The following CHODL variants were observed in gnomAD, a reference collection of about 807,000 sequenced individuals.
CHODL encodes the protein transmembrane protein MT75.
A neutral mutation model predicts 34.5 loss-of-function variants in CHODL; 29 were observed. That is an observed-to-expected ratio of 0.84 (90% CI 0.63 to 1.15). The LOEUF is 1.15. Ranked by LOEUF, CHODL falls within the 50% of genes most tolerant of loss-of-function variation. The pLI, the probability that CHODL is intolerant of heterozygous loss-of-function variation, is 0.00. For synonymous variants in CHODL, 125 were observed against 116.1 expected, an observed-to-expected ratio of 1.08 and a Z score of -0.49; for missense variants, 332 against 332.5, an observed-to-expected ratio of 1.00 and a Z score of 0.01.
intron 2 of CHODL, among the ~76,000 whole-genome samples, chr21:18,107,081 A>G (rs970739253): frequency 2.6e-5 from 4 of 152,332 alleles, no homozygotes; most frequent in African/African-American, 9.6e-5. Flanking sequence ...ATCTAAGGGA[A>G]GTACGAATAG....
In CHODL at chr21:18,183,574, G is replaced by A. The variant is rs1275425300; in HGVS notation, c.-44-72935G>A. 2.0e-5 allele frequency among the ~76,000 whole-genome samples: 3 copies of A among 151,952 alleles called. No homozygotes were observed. In the East Asian group the frequency reaches 5.8e-4, roughly 29 times the overall value. ...TTTCCCTGGGATACCTTGAATTTCTGTTACTTATAAGCAAAAAACATTGAT... is the reference window on the plus strand; with the variant it reads ...TTTCCCTGGGATACCTTGAATTTCTATTACTTATAAGCAAAAAACATTGAT... On this transcript the variant is annotated intron_variant, in intron 2 of 6. Coordinates refer to the CHODL transcript ENST00000400127.
Position 18,245,298 on chromosome 21 carries a change from C to A in CHODL, c.75C>A (p.Val25=). The stretch of plus-strand genomic sequence containing the variant: ...ACGGAGCCTTCTGCCGCCGCGTGGT[C>A]AGCGGTGAGTCAGGGGCCGTCTCCC... ...CGHGAFCRRV[V]SGQKVCFADF... Residue 25 remains valine (V), a synonymous_variant, in exon 1 of 6, where the codon GTC becomes GTA. Coordinates refer to ENST00000299295, the MANE Select transcript of CHODL (RefSeq NM_024944.3). The A allele has an allele frequency of 6.6e-7, 1 of 1,524,150 alleles. No individual in the cohort carries two copies. Among genetic ancestry groups the A allele is most frequent in the South Asian group, 1.2e-5 (1 of 83,124 alleles). The allele number at this position is 1,524,150 out of a possible 1,614,324, so 94.4% of individuals were successfully genotyped here.
intron 1 of CHODL, chr21:18,024,870 C>T (rs1296568195): frequency 1.3e-5 from 2 of 152,102 alleles, no homozygotes; most frequent in African/African-American, 4.8e-5. Flanking sequence ...CACTCATCGA[C>T]CCAGAGAATT....
chr21:18,236,051 G>A (rs942233399), intron 2 of CHODL, among the ~76,000 whole-genome samples: 1 of 152,102 alleles, frequency 6.6e-6, no homozygotes, highest in African/African-American at 2.4e-5. Flanking sequence ...TCACGCTGCT[G>A]TAAAGAACTG....
intron 2 of CHODL, among the ~76,000 whole-genome samples, chr21:18,169,183 T>C (rs528193321): frequency 6.6e-6 from 1 of 152,292 alleles, no homozygotes; most frequent in African/African-American, 2.4e-5. Context: ...TGATTACTAA[T>C]TTAATCCTTA....
At chr21:18,236,018 A>G (rs1317810833) in intron 2 of CHODL, among the ~76,000 whole-genome samples, 3 of 152,084 alleles carry the variant, frequency 2.0e-5, no homozygotes, top group Non-Finnish European at 1.5e-5. Flanking sequence ...CTTCTCATCT[A>G]TGAGTTTTGT....
chr21:18,195,803 A>G (rs1425999373), intron 2 of CHODL, among the ~76,000 whole-genome samples: 2 of 152,332 alleles, frequency 1.3e-5, no homozygotes, highest in East Asian at 3.9e-4. Context: ...CTGTATCCCC[A>G]GCCAGTAATA....
chr21:18,229,559 A>C (rs1271519363), intron 2 of CHODL, among the ~76,000 whole-genome samples: 3 of 152,150 alleles, frequency 2.0e-5, no homozygotes, highest in African/African-American at 7.2e-5. Flanking sequence ...GTCCTATCTC[A>C]TTTCCTTGGT....
intron 2 of CHODL, among the ~76,000 whole-genome samples, chr21:18,231,344 G>C (rs954960753): frequency 7.9e-5 from 12 of 152,098 alleles, no homozygotes; most frequent in Non-Finnish European, 1.6e-4. Flanking sequence ...AACCTATTCA[G>C]CAGAAATTAT....
intron 1 of CHODL, among the ~76,000 whole-genome samples, chr21:17,946,233 T>C (rs1022722052): frequency 2.8e-4 from 43 of 152,228 alleles, no homozygotes; most frequent in Non-Finnish European, 4.4e-4. Flanking sequence ...CTGGCTAACA[T>C]GGTGAAACCC....
At chr21:18,053,098 T>A (rs1243572779) in intron 2 of CHODL, among the ~76,000 whole-genome samples, 6 of 151,866 alleles carry the variant, frequency 4.0e-5, no homozygotes. Flanking sequence ...CTATGTGACA[T>A]AGAAACTATA....
intron 2 of CHODL, among the ~76,000 whole-genome samples, chr21:18,173,032 G>A (rs1269716073): frequency 6.6e-6 from 1 of 152,142 alleles, no homozygotes; most frequent in Non-Finnish European, 1.5e-5. Flanking sequence ...CCACGCTATA[G>A]GCAGTTAAGA....
At chr21:18,192,936 T>G (rs2073528288) in intron 2 of CHODL, among the ~76,000 whole-genome samples, 1 of 152,026 alleles carries the variant, frequency 6.6e-6, no homozygotes, top group South Asian at 2.1e-4. Context: ...TTAAAAAGAG[T>G]AGGCATTAAC....
intron 2 of CHODL, among the ~76,000 whole-genome samples, chr21:18,143,783 C>A (rs146471172): frequency 1.3e-5 from 2 of 152,056 alleles, no homozygotes; most frequent in Admixed American, 1.3e-4. Flanking sequence ...AGATATCTTA[C>A]AGAGATTTTT....
At chr21:18,020,829 G>A (rs1034591013) in intron 1 of CHODL, among the ~76,000 whole-genome samples, 1 of 152,150 alleles carries the variant, frequency 6.6e-6, no homozygotes, top group Non-Finnish European at 1.5e-5. Flanking sequence ...AGATGGCTGG[G>A]CATGGTGGCA....
exon 2 of CHODL, chr21:18,027,929 G>A (rs965848758): frequency 6.6e-6 from 1 of 152,556 alleles, no homozygotes; most frequent in African/African-American, 2.4e-5. Context: ...CCAGAAACTG[G>A]ATGGGCCAGC....
chr21:18,128,379 G>C (rs113082962), intron 2 of CHODL, among the ~76,000 whole-genome samples: 1,429 of 116,558 alleles, frequency 0.012, 18 homozygotes, highest in South Asian at 0.061. Flanking sequence ...ACTACAAATA[G>C]AATAAACTTA....
At chr21:18,127,384 A>G (rs1473797592) in intron 2 of CHODL, among the ~76,000 whole-genome samples, 2 of 152,090 alleles carry the variant, frequency 1.3e-5, no homozygotes, top group African/African-American at 2.4e-5. Flanking sequence ...AAAATGGTTG[A>G]TTTTCTGTCT....
intron 1 of CHODL, among the ~76,000 whole-genome samples, chr21:18,007,138 C>T (rs1028623080): frequency 4.6e-5 from 7 of 152,110 alleles, no homozygotes; most frequent in Non-Finnish European, 1.0e-4. Context: ...AAAAAAACTA[C>T]TTCAAGAAAA....
Sources: allele counts gnomAD v4.1 joint callset (sites outside exome capture counted in the v4.1 genomes callset), GRCh38; gene constraint gnomAD v4.1.1; transcripts MANE v1.5; gene names NCBI Gene and HGNC (gene_info 2026-07-23, HGNC 2026-07-21).